PVT1: variants seen among roughly 807,000 people sequenced by gnomAD.
PVT1 encodes CXCR4/PVT1 fusion.
Position 127,952,649 on chromosome 8 carries a change from GA to G in PVT1, n.783-36510del, listed in dbSNP as rs202167074. Among the ~76,000 whole-genome samples, 63 of 152,298 alleles carry G rather than the reference GA, an allele frequency of 4.1e-4. No individual in the cohort carries two copies. The East Asian group carries it at 0.012, about 28-fold the overall frequency. On this transcript the variant is annotated intron_variant and non_coding_transcript_variant, in intron 3 of 10. Transcript: ENST00000651587. ...TCCATTGGCTTTATAGTCATACTTTGAAACAAAATGTAATATGTGCCCTCAT... is the reference window on the plus strand; with the variant it reads ...TCCATTGGCTTTATAGTCATACTTTGAACAAAATGTAATATGTGCCCTCAT...
At chr8:128,061,143 C>G (rs1359649525) in intron 4 of PVT1, among the ~76,000 whole-genome samples, 1 of 152,220 alleles carries the variant, frequency 6.6e-6, no homozygotes, top group African/African-American at 2.4e-5. Flanking sequence ...CTCCTGACCT[C>G]AAGTGATCTG....
In PVT1 at chr8:127,835,935, T is replaced by C. The variant is rs1388108517; in HGVS notation, n.372+39864T>C. Among the ~76,000 whole-genome samples, 4 of 152,166 alleles carry C rather than the reference T, an allele frequency of 2.6e-5. No homozygotes were observed. The East Asian group carries it at 7.7e-4, about 29-fold the overall frequency. ...CTCCCTCTGTAGCCCCACATCCTGG[T>C]CTTTGATCAGTTCCCTGACACCCTT... On this transcript the variant is annotated intron_variant and non_coding_transcript_variant, in intron 2 of 10. Transcript: ENST00000651587.
At chr8:128,079,787 T>C (rs1414332899) in intron 5 of PVT1, among the ~76,000 whole-genome samples, 2 of 151,640 alleles carry the variant, frequency 1.3e-5, no homozygotes, top group Non-Finnish European at 2.9e-5. Context: ...TGTAGTGGTG[T>C]GATCTCGGCT....
intron 3 of PVT1, among the ~76,000 whole-genome samples, chr8:127,931,052 G>T (rs1043694304): frequency 6.6e-6 from 1 of 152,080 alleles, no homozygotes; most frequent in Non-Finnish European, 1.5e-5. Context: ...CTACAGGTGC[G>T]CTCCACCACA....
chr8:127,811,067 G>A (rs1814589195), intron 2 of PVT1, among the ~76,000 whole-genome samples: 2 of 152,114 alleles, frequency 1.3e-5, no homozygotes. Flanking sequence ...AGTAAGAAGT[G>A]TCCGGATTGG....
chr8:128,040,774 T>TTG (rs1392169782), intron 4 of PVT1, among the ~76,000 whole-genome samples: 2 of 151,504 alleles, frequency 1.3e-5, no homozygotes, highest in African/African-American at 4.9e-5. Context: ...TTTTGTGCTT[T>TTG]TGTGTGTGTG....
chr8:127,818,497 A>G (rs1563613537), intron 2 of PVT1, among the ~76,000 whole-genome samples: 1 of 152,256 alleles, frequency 6.6e-6, no homozygotes, highest in South Asian at 2.1e-4. Context: ...TCATTCATGT[A>G]TTACGTCAGG....
chr8:127,862,816 T>G (rs1815242469), intron 2 of PVT1, among the ~76,000 whole-genome samples: 1 of 152,230 alleles, frequency 6.6e-6, no homozygotes, highest in Non-Finnish European at 1.5e-5. Context: ...TTGTGTTTGT[T>G]AACTGGTCAT....
At chr8:127,838,249 C>T (rs751335051) in intron 2 of PVT1, among the ~76,000 whole-genome samples, 1 of 152,086 alleles carries the variant, frequency 6.6e-6, no homozygotes, top group Non-Finnish European at 1.5e-5. Context: ...GATTATATAT[C>T]ACATCACAAT....
At chr8:127,951,118 G>A (rs940683386) in intron 3 of PVT1, among the ~76,000 whole-genome samples, 1 of 152,070 alleles carries the variant, frequency 6.6e-6, no homozygotes, top group Admixed American at 6.5e-5. Context: ...GACTGGTCTC[G>A]AACTCTTGAC....
In PVT1 at chr8:127,855,468, C is replaced by T. The variant is rs185551990; in HGVS notation, n.373-35121C>T. On this transcript the variant is annotated intron_variant and non_coding_transcript_variant, in intron 2 of 10. Transcript: ENST00000651587. ...CTAGGGTTCAGGTTCCAGCTTCACC[C>T]TCCTTTAGTCAGGTGGCTTTGGGGG... is the stretch of plus-strand genomic sequence containing the variant. 2.6e-3 allele frequency: 951 copies of T among 362,856 alleles called. 6 individuals are homozygous for T. Among genetic ancestry groups the T allele is most frequent in the African/African-American group, 0.018 (879 of 47,996 alleles). The allele number at this position is 362,856 out of a possible 1,614,324, so 22.5% of individuals were successfully genotyped here. A position where few individuals can be genotyped will look rare whatever the true frequency, so the allele number is the denominator to read the frequency against.
At chr8:128,067,201 C>T (rs1162099273) in intron 4 of PVT1, among the ~76,000 whole-genome samples, 1 of 152,280 alleles carries the variant, frequency 6.6e-6, no homozygotes, top group Non-Finnish European at 1.5e-5. Flanking sequence ...CTCCCTAACT[C>T]GGTTATACAC....
intron 2 of PVT1, among the ~76,000 whole-genome samples, chr8:127,872,464 G>T (rs1211819659): frequency 6.6e-6 from 1 of 152,154 alleles, no homozygotes; most frequent in Non-Finnish European, 1.5e-5. Flanking sequence ...GTAACACAAA[G>T]AAAGGGTAAA....
At chr8:127,826,640 C>T (rs1238238218) in intron 2 of PVT1, among the ~76,000 whole-genome samples, 3 of 152,162 alleles carry the variant, frequency 2.0e-5, no homozygotes, top group Non-Finnish European at 4.4e-5. Flanking sequence ...AGCATATTTG[C>T]ATAGGCTGGA....
chr8:127,927,177 A>T (rs1195194976), intron 3 of PVT1, among the ~76,000 whole-genome samples: 1 of 152,122 alleles, frequency 6.6e-6, no homozygotes, highest in Non-Finnish European at 1.5e-5. Flanking sequence ...TGAAAATGGG[A>T]CTATTCGTCT....
intron 4 of PVT1, among the ~76,000 whole-genome samples, chr8:128,003,417 C>T (rs1278565761): frequency 2.0e-5 from 3 of 151,792 alleles, no homozygotes; most frequent in East Asian, 1.9e-4. Context: ...AGGATCATGG[C>T]CCACTGTAGC....
In PVT1 at chr8:127,808,280, TCTGGTGATCTAC is replaced by T. The variant is rs565722831; in HGVS notation, n.372+12213_372+12224del. ...CCAGGCTGGTCTCAAACTCCTGACCTCTGGTGATCTACCTGCCTCAGCCTCCCAAAGTGCTGG... is the reference window on the plus strand; with the variant it reads ...CCAGGCTGGTCTCAAACTCCTGACCTCTGCCTCAGCCTCCCAAAGTGCTGG... On this transcript the variant is annotated intron_variant and non_coding_transcript_variant, in intron 2 of 10. Transcript: ENST00000651587. Among the ~76,000 whole-genome samples the T allele has an allele frequency of 5.3e-5, 8 of 152,206 alleles. No individual in the cohort carries two copies. The East Asian group carries it at 1.5e-3, about 29-fold the overall frequency.
chr8:127,965,458 C>G (rs1028674538), intron 3 of PVT1, among the ~76,000 whole-genome samples: 3 of 152,218 alleles, frequency 2.0e-5, no homozygotes, highest in Non-Finnish European at 2.9e-5. Context: ...GCTGCTCACT[C>G]TAAGGCTTGC....
chr8:127,981,162 T>C (rs1443496701), intron 3 of PVT1, among the ~76,000 whole-genome samples: 3 of 152,148 alleles, frequency 2.0e-5, no homozygotes, highest in African/African-American at 7.2e-5. Context: ...TGAACTATTA[T>C]ATTTCAGGAA....
Sources: allele counts gnomAD v4.1 joint callset (sites outside exome capture counted in the v4.1 genomes callset), GRCh38; gene constraint gnomAD v4.1.1; transcripts MANE v1.5; gene names NCBI Gene and HGNC (gene_info 2026-07-23, HGNC 2026-07-21).